ADGRL3: variants seen among roughly 807,000 people sequenced by gnomAD.
ADGRL3 encodes calcium-independent alpha-latrotoxin receptor 3.
Under a neutral mutation model 153.5 loss-of-function variants are expected in ADGRL3, and 62 were observed. That is an observed-to-expected ratio of 0.40 (90% confidence interval 0.33 to 0.50). The LOEUF (loss-of-function observed/expected upper bound fraction) is 0.50. Among genes scored for constraint, ADGRL3 ranks in the 20% least tolerant of loss-of-function variants. ADGRL3 has a pLI of 0.47. For synonymous variants in ADGRL3, 710 were observed against 672.5 expected (o/e 1.06, Z -0.86); for missense variants, 1,641 against 1,859.4 (o/e 0.88, Z 2.16).
At chr4:61,298,891 C>T (rs1021548585) in intron 1 of ADGRL3, among the ~76,000 whole-genome samples, 5 of 152,012 alleles carry the variant, frequency 3.3e-5, no homozygotes, top group Admixed American at 2.0e-4. Context: ...TTAGAGGCTA[C>T]GATAACTTAA....
chr4:61,892,914 G>C lies in ADGRL3; in HGVS notation c.1739G>C (p.Arg580Pro). 6.4e-7 allele frequency: 1 copy of C among 1,557,168 alleles called. No homozygotes were observed. The highest frequency in any genetic ancestry group is 8.6e-7 in the Non-Finnish European group (1 of 1,156,674). ...EAREIMWFKT[R>P]QGQIAKQPCP... ...CGAGAAATCATGTGGTTTAAGACTC[G>C]TCAAGGACAGATAGCAAAGCAGCCA... is the stretch of plus-strand genomic sequence containing the variant. The change falls in exon 10 of 27, where the codon CGT becomes CCT. Residue 580 changes from arginine to proline, a missense_variant. Transcript: ENST00000683033.
At chr4:61,555,460 G>C (rs2098760866) in intron 4 of ADGRL3, among the ~76,000 whole-genome samples, 2 of 152,102 alleles carry the variant, frequency 1.3e-5, no homozygotes, top group Non-Finnish European at 2.9e-5. Flanking sequence ...TTCTACTTCT[G>C]TTTCAGTAAA....
At chr4:61,860,935 T>C (rs1203176497) in intron 9 of ADGRL3, among the ~76,000 whole-genome samples, 1 of 152,154 alleles carries the variant, frequency 6.6e-6, no homozygotes, top group Non-Finnish European at 1.5e-5. Flanking sequence ...GATCGTTAAG[T>C]CTTTGCATTT....
chr4:61,639,273 T>A (rs2093562122), intron 5 of ADGRL3, among the ~76,000 whole-genome samples: 1 of 152,138 alleles, frequency 6.6e-6, no homozygotes, highest in Admixed American at 6.6e-5. Flanking sequence ...AGATCTAAAG[T>A]TTTTGAGGCC....
intron 12 of ADGRL3, 134 bp from the exon 13 acceptor site, chr4:61,912,585 A>C (rs889244194): frequency 8.2e-6 from 6 of 735,232 alleles, no homozygotes; most frequent in Non-Finnish European, 1.3e-5. Flanking sequence ...CTTAGCTTTC[A>C]TTTTCTTCTG....
At chr4:61,924,976 T>C (rs2098788338) in intron 13 of ADGRL3, among the ~76,000 whole-genome samples, 1 of 152,218 alleles carries the variant, frequency 6.6e-6, no homozygotes, top group Non-Finnish European at 1.5e-5. Context: ...TGTTAAGATA[T>C]ATCTCAAGAT....
rs534502676 is a variant in ADGRL3 at position 61,936,819 on chromosome 4, T to G, written c.2419+774T>G. Among the ~76,000 whole-genome samples, 12 of 59,968 alleles carry G rather than the reference T, an allele frequency of 2.0e-4. 1 individual carries two copies. Among genetic ancestry groups the G allele is most frequent in the South Asian group, 1.7e-3 (4 of 2,344 alleles). 39.3% of individuals were successfully genotyped at this position (59,968 alleles called of 152,430 possible). ...ACACACACACACACACACACAGAGA[T>G]ATATTTCTCTTTTGCCAAGAAAGGG... On this transcript the variant is annotated intron_variant, in intron 15 of 26. Transcript: ENST00000683033.
At chr4:61,460,193 T>C (rs937145872) in intron 2 of ADGRL3, among the ~76,000 whole-genome samples, 1 of 152,160 alleles carries the variant, frequency 6.6e-6, no homozygotes, top group Non-Finnish European at 1.5e-5. Context: ...TTTCATCTAG[T>C]AATTTTATAG....
At chr4:61,355,201 G>A (rs2151391554) in intron 1 of ADGRL3, among the ~76,000 whole-genome samples, 1 of 152,142 alleles carries the variant, frequency 6.6e-6, no homozygotes, top group East Asian at 1.9e-4. Flanking sequence ...GTATAGAAAT[G>A]CTGTCAGGTT....
chr4:61,324,674 C>G lies in ADGRL3; in HGVS notation c.-239-58450C>G, dbSNP rs563793122. ...TATTAGGACCCTTCTGCTCAACAAG[C>G]AAATAGGAAGCAACAAAATGTTATA... On this transcript the variant is annotated intron_variant, in intron 1 of 26. Coordinates refer to ENST00000683033, the MANE Select transcript of ADGRL3 (RefSeq NM_001387552.1). Among the ~76,000 whole-genome samples the G allele has an allele frequency of 1.8e-4, 28 of 152,146 alleles. No homozygotes were observed. The South Asian group carries it at 5.8e-3, about 32-fold the overall frequency.
chr4:61,230,082 G>C (rs1399226201), intron 1 of ADGRL3, among the ~76,000 whole-genome samples: 3 of 151,932 alleles, frequency 2.0e-5, no homozygotes, highest in Admixed American at 1.3e-4. Context: ...AATGTTATAG[G>C]GTCACCCTAG....
chr4:61,346,132 G>C (rs2095898797), intron 1 of ADGRL3, among the ~76,000 whole-genome samples: 1 of 152,040 alleles, frequency 6.6e-6, no homozygotes, highest in Non-Finnish European at 1.5e-5. Context: ...TAGGCATACT[G>C]GTATGCACCT....
At chr4:61,805,433 G>T (rs2097543502) in intron 8 of ADGRL3, among the ~76,000 whole-genome samples, 1 of 152,100 alleles carries the variant, frequency 6.6e-6, no homozygotes, top group South Asian at 2.1e-4. Flanking sequence ...GTCCTCTAGG[G>T]AACAAACCTC....
At chr4:61,244,142 G>A (rs1330603651) in intron 1 of ADGRL3, among the ~76,000 whole-genome samples, 3 of 151,922 alleles carry the variant, frequency 2.0e-5, no homozygotes, top group Non-Finnish European at 1.5e-5. Flanking sequence ...GGCTGTGAAA[G>A]TTTATTAGCT....
At chr4:61,246,671 TA>T (rs1757217826) in intron 1 of ADGRL3, among the ~76,000 whole-genome samples, 1 of 151,820 alleles carries the variant, frequency 6.6e-6, no homozygotes, top group African/African-American at 2.4e-5. Flanking sequence ...AAGTTAACTA[TA>T]CCCTAAATAA....
At chr4:61,237,858 A>G (rs1265847247) in intron 1 of ADGRL3, among the ~76,000 whole-genome samples, 1 of 152,136 alleles carries the variant, frequency 6.6e-6, no homozygotes, top group African/African-American at 2.4e-5. Flanking sequence ...ACTTAGTGAA[A>G]TGGTTAGGGT....
At chr4:61,893,089 C>G (rs996489893) in intron 10 of ADGRL3, 131 bp downstream of exon 10, 1 of 413,498 alleles carries the variant, frequency 2.4e-6, no homozygotes, top group East Asian at 3.7e-5. Context: ...TTGTCTCTTT[C>G]TTTCTCCTTC....
intron 5 of ADGRL3, among the ~76,000 whole-genome samples, chr4:61,656,901 G>C (rs2094456645): frequency 6.6e-6 from 1 of 152,078 alleles, no homozygotes; most frequent in Non-Finnish European, 1.5e-5. Context: ...TTCTCTCTCT[G>C]TTAAACTTCT....
At chr4:61,686,357 T>C (rs1003705219) in intron 6 of ADGRL3, among the ~76,000 whole-genome samples, 4 of 152,132 alleles carry the variant, frequency 2.6e-5, no homozygotes, top group African/African-American at 9.6e-5. Context: ...ATAAAACTGT[T>C]CTAAATAAAT....
Sources: gnomAD v4.1 joint callset for allele counts (sites outside exome capture counted in the v4.1 genomes callset) on GRCh38, gnomAD v4.1.1 for gene constraint, MANE v1.5 for transcripts, NCBI Gene and HGNC (gene_info 2026-07-23, HGNC 2026-07-21) for gene names.